The following EBF1 variants were observed in gnomAD, a reference collection of about 807,000 sequenced individuals.
EBF1 encodes the protein EBF transcription factor 1.
Under a neutral mutation model 68.4 loss-of-function variants are expected in EBF1, and 10 were observed. That is an observed-to-expected ratio of 0.15 (90% CI 0.09 to 0.25). The LOEUF (loss-of-function observed/expected upper bound fraction) is 0.25, where lower values mean the gene tolerates loss of function less well. Among genes scored for constraint, EBF1 ranks in the 10% least tolerant of loss-of-function variants. EBF1 has a pLI of 1.00. For missense variants in EBF1, 509 were observed against 794.4 expected (o/e 0.64, Z 4.32); for synonymous variants, 298 against 299.8 (o/e 0.99, Z 0.06).
At chr5:158,857,007 T>G (rs1329997132) in intron 6 of EBF1, among the ~76,000 whole-genome samples, 1 of 152,146 alleles carries the variant, frequency 6.6e-6, no homozygotes, top group Non-Finnish European at 1.5e-5. Flanking sequence ...AAAACAAACC[T>G]TTCTTCTGCC....
At chr5:158,807,790 A>G (rs1032063405) in intron 8 of EBF1, among the ~76,000 whole-genome samples, 2 of 152,128 alleles carry the variant, frequency 1.3e-5, no homozygotes, top group African/African-American at 4.8e-5. Flanking sequence ...TTCTATACGC[A>G]GTTTGAGAGA....
At chr5:158,843,033 A>C (rs1435007410) in intron 6 of EBF1, among the ~76,000 whole-genome samples, 1 of 152,206 alleles carries the variant, frequency 6.6e-6, no homozygotes, top group Non-Finnish European at 1.5e-5. Context: ...TTTTGCTAAT[A>C]AGAGTAAATA....
At chr5:158,876,726 A>C (rs193026603) in intron 6 of EBF1, among the ~76,000 whole-genome samples, 2 of 152,344 alleles carry the variant, frequency 1.3e-5, no homozygotes. Context: ...ATCTCAAGGC[A>C]ACCGAGTGAA....
At chr5:158,780,218 G>A (rs1325044161) in intron 9 of EBF1, among the ~76,000 whole-genome samples, 1 of 152,110 alleles carries the variant, frequency 6.6e-6, no homozygotes, top group South Asian at 2.1e-4. Context: ...GACAGATAAG[G>A]ACACAAAAAT....
intron 13 of EBF1, 66 bp from the exon 14 acceptor site, chr5:158,712,399 G>A: frequency 6.4e-6 from 10 of 1,562,700 alleles, no homozygotes; most frequent in Non-Finnish European, 8.7e-6. Flanking sequence ...TGGAAGACTC[G>A]GGGAAAGGAA....
chr5:159,035,521 G>T (rs778051048), intron 6 of EBF1, among the ~76,000 whole-genome samples: 2 of 152,124 alleles, frequency 1.3e-5, no homozygotes, highest in Non-Finnish European at 2.9e-5. Context: ...CAGAGTGATG[G>T]TTTCATACTT....
chr5:158,990,292 G>A (rs1760042048), intron 6 of EBF1, among the ~76,000 whole-genome samples: 1 of 152,326 alleles, frequency 6.6e-6, no homozygotes, highest in Middle Eastern at 3.4e-3. Context: ...AGGCCTTGGG[G>A]CAACATTCAG....
chr5:159,045,947 A>C (rs928601585), intron 6 of EBF1, among the ~76,000 whole-genome samples: 1 of 152,148 alleles, frequency 6.6e-6, no homozygotes, highest in African/African-American at 2.4e-5. Flanking sequence ...CCCATAGCCT[A>C]TCTGAGCTTT....
chr5:158,700,557 T>C (rs975390296), intron 15 of EBF1, among the ~76,000 whole-genome samples: 1 of 149,798 alleles, frequency 6.7e-6, no homozygotes, highest in Non-Finnish European at 1.5e-5. Context: ...ATCCTGCAAG[T>C]GGACACAGGG....
At chr5:158,898,705 AAGC>A (rs1338755066) in intron 6 of EBF1, among the ~76,000 whole-genome samples, 3 of 152,212 alleles carry the variant, frequency 2.0e-5, no homozygotes, top group Non-Finnish European at 4.4e-5. Flanking sequence ...TCCACGCACT[AAGC>A]GGGGGATTAT....
At chr5:158,761,587 A>C (rs1771466171) in intron 10 of EBF1, among the ~76,000 whole-genome samples, 1 of 152,236 alleles carries the variant, frequency 6.6e-6, no homozygotes, top group African/African-American at 2.4e-5. Flanking sequence ...AGAATGAGGC[A>C]GAATCATAGT....
At position 158,708,023 on chromosome 5, in the gene EBF1, G is replaced by A; in HGVS notation, c.1700C>T (p.Ser567Phe). The A allele has an allele frequency of 6.4e-7, 1 of 1,551,476 alleles. No homozygotes were observed. The highest frequency in any genetic ancestry group is 1.2e-5 in the South Asian group (1 of 84,070). Reference protein sequence around the residue: ...AFAPVVRPQTSPPPTCTSTNG... With the variant: ...AFAPVVRPQTFPPPTCTSTNG... ...GGTGCTGGTGCAGGTGGGAGGTGGG[G>A]AGGTCTGGGGTCTGACGACTGGTGC... The change falls in exon 15 of 16, where the codon TCC becomes TTC. Residue 567 changes from serine to phenylalanine, a missense_variant. Coordinates refer to ENST00000313708, the MANE Select transcript of EBF1 (RefSeq NM_024007.5).
At chr5:159,078,076 TA>T (rs1779105897) in intron 5 of EBF1, among the ~76,000 whole-genome samples, 1 of 152,030 alleles carries the variant, frequency 6.6e-6, no homozygotes, top group South Asian at 2.1e-4. Context: ...GCTTTTACAT[TA>T]AAAATTAAAA....
In EBF1 at chr5:158,698,944, T is replaced by A; in HGVS notation, c.*167A>T. On this transcript the variant is annotated 3_prime_UTR_variant, in exon 16 of 16. Coordinates refer to ENST00000313708, the MANE Select transcript of EBF1 (RefSeq NM_024007.5). ...CTGCACTTGCAGATCCCTCTTCCAA[T>A]TTCAGTATTTGCAAGGTCGGTGATT... The A allele has an allele frequency of 1.9e-6, 1 of 528,364 alleles. No homozygotes were observed. The highest frequency in any genetic ancestry group is 3.2e-6 in the Non-Finnish European group (1 of 313,492). 32.7% of individuals were successfully genotyped at this position (528,364 alleles called of 1,614,324 possible).
At chr5:158,775,094 G>A (rs554566244) in intron 10 of EBF1, among the ~76,000 whole-genome samples, 15 of 151,450 alleles carry the variant, frequency 9.9e-5, no homozygotes, top group Non-Finnish European at 1.2e-4. Flanking sequence ...GTGCATATGC[G>A]CCAACTTATT....
chr5:158,787,052 G>A (rs776627547), intron 9 of EBF1, among the ~76,000 whole-genome samples: 6 of 152,074 alleles, frequency 3.9e-5, no homozygotes, highest in South Asian at 2.1e-4. Context: ...CTCACTTAAC[G>A]TGTTCATTCA....
At chr5:158,916,128 T>G (rs1427860853) in intron 6 of EBF1, among the ~76,000 whole-genome samples, 4 of 152,196 alleles carry the variant, frequency 2.6e-5, no homozygotes, top group African/African-American at 9.7e-5. Flanking sequence ...TACTTCTTCT[T>G]AATCCTCCTG....
At chr5:158,866,910 A>G (rs1169311558) in intron 6 of EBF1, among the ~76,000 whole-genome samples, 1 of 143,972 alleles carries the variant, frequency 6.9e-6, no homozygotes, top group Non-Finnish European at 1.5e-5. Flanking sequence ...CACATAGTGC[A>G]TATGTCTAAG....
chr5:159,082,783 A>T (rs1410446453), intron 5 of EBF1, among the ~76,000 whole-genome samples: 3 of 152,224 alleles, frequency 2.0e-5, no homozygotes, highest in Admixed American at 6.5e-5. Context: ...GACATTTTGA[A>T]TACGGCTTTT....
Sources: allele counts gnomAD v4.1 joint callset (sites outside exome capture counted in the v4.1 genomes callset), GRCh38; gene constraint gnomAD v4.1.1; transcripts MANE v1.5; gene names NCBI Gene and HGNC (gene_info 2026-07-23, HGNC 2026-07-21).